The following PCDHA7 variants were observed in gnomAD, a reference collection of about 807,000 sequenced individuals.
PCDHA7 encodes protocadherin alpha 7.
PCDHA7 carries 37 observed loss-of-function variants against 57.2 expected under a neutral mutation model. The observed-to-expected ratio is 0.65, with a 90% CI of 0.50 to 0.85. The LOEUF (loss-of-function observed/expected upper bound fraction) is 0.85, where lower values mean the gene tolerates loss of function less well. PCDHA7 is among the 40% of genes least tolerant of loss of function. PCDHA7 has a pLI of 0.00. For synonymous variants in PCDHA7, 553 were observed against 558.8 expected (o/e 0.99, Z 0.15); for missense variants, 1,188 against 1,241.8 (o/e 0.96, Z 0.65).
At chr5:140,838,280 A>ATTTTTTT (rs2150286950) in intron 1 of PCDHA7, among the ~76,000 whole-genome samples, 30 of 139,570 alleles carry the variant, frequency 2.1e-4, no homozygotes, top group African/African-American at 6.5e-4. Context: ...AGCCATGCTA[A>ATTTTTTT]TTTTTTTTTT....
chr5:140,976,990 A>G (rs1162326000), intron 1 of PCDHA7, among the ~76,000 whole-genome samples: 1 of 152,228 alleles, frequency 6.6e-6, no homozygotes. Flanking sequence ...TCTTACTGCC[A>G]TAAGAAATCT....
At position 140,836,615 on chromosome 5, in the gene PCDHA7, G is replaced by A. The variant is rs2150265724; in HGVS notation, c.2232G>A (p.Ala744=). The change falls in exon 1 of 4, where the codon GCG becomes GCA. Residue 744 remains alanine (A), a synonymous_variant. Coordinates refer to ENST00000525929, the MANE Select transcript of PCDHA7 (RefSeq NM_018910.3). ...LVKPTLVCSS[A]VGSWSFSQQR... is the part of the protein sequence containing the mutation. Reference sequence around the variant, plus strand: ...AGCCCACTCTGGTGTGCTCCAGCGCGGTGGGGAGCTGGTCATTCTCCCAGC... The same window carrying A: ...AGCCCACTCTGGTGTGCTCCAGCGCAGTGGGGAGCTGGTCATTCTCCCAGC... 925 of 1,613,634 alleles carry A rather than the reference G, an allele frequency of 5.7e-4. 10 individuals carry two copies. The African/African-American group carries it at 0.011, about 19-fold the overall frequency.
chr5:140,976,927 G>A (rs1322531610), intron 1 of PCDHA7, among the ~76,000 whole-genome samples: 2 of 152,184 alleles, frequency 1.3e-5, no homozygotes, highest in Admixed American at 1.3e-4. Context: ...CTAGTACTGT[G>A]TAGCTACTTA....
chr5:140,929,166 C>T (rs782695019), intron 1 of PCDHA7: 1 of 1,614,146 alleles, frequency 6.2e-7, no homozygotes, highest in Non-Finnish European at 8.5e-7. Context: ...TCTATCGGGC[C>T]TCTCTGGGAC....
At chr5:140,856,822 A>G (rs1554149161) in intron 1 of PCDHA7, 4 of 1,593,030 alleles carry the variant, frequency 2.5e-6, no homozygotes, top group Non-Finnish European at 1.7e-6. Flanking sequence ...TGAACCAAAC[A>G]TTAGTAATAC....
intron 3 of PCDHA7, among the ~76,000 whole-genome samples, chr5:140,993,203 A>AT (rs200893072): frequency 0.015 from 2,264 of 152,198 alleles, 62 homozygotes; most frequent in African/African-American, 0.051. Flanking sequence ...ACTAAAGCTA[A>AT]TTTTTTTAGC....
chr5:140,941,438 C>T (rs1408570275), intron 1 of PCDHA7, among the ~76,000 whole-genome samples: 4 of 150,764 alleles, frequency 2.7e-5, no homozygotes, highest in African/African-American at 7.3e-5. Context: ...GCCTCAGCCT[C>T]GGGAGTAGCT....
intron 3 of PCDHA7, 51 bp downstream of exon 3, chr5:140,982,614 G>T (rs1283279622): frequency 6.3e-7 from 1 of 1,596,658 alleles, no homozygotes; most frequent in Non-Finnish European, 8.5e-7. Flanking sequence ...AAAGTGATCA[G>T]ATGACCTACT....
chr5:140,883,951 C>T (rs782324778), intron 1 of PCDHA7: 7 of 1,613,222 alleles, frequency 4.3e-6, no homozygotes, highest in African/African-American at 2.7e-5. Flanking sequence ...AGAACGACAA[C>T]GCTCCGGCGC....
chr5:141,010,377 G>A lies in PCDHA7; in HGVS notation c.*440G>A. 1 of 1,444,554 alleles carries A rather than the reference G, an allele frequency of 6.9e-7. No individual in the cohort carries two copies. The highest frequency in any genetic ancestry group is 1.4e-5 in the South Asian group (1 of 71,996). The allele number at this position is 1,444,554 out of a possible 1,614,324, so 89.5% of individuals were successfully genotyped here. ...GGCTACCGCGGGTATGCGAGTGCCA[G>A]ATATTGGCTGAGACGAGCCAGCTTA... On this transcript the variant is annotated 3_prime_UTR_variant, in exon 4 of 4. Transcript: ENST00000525929.
intron 1 of PCDHA7, among the ~76,000 whole-genome samples, chr5:140,917,324 C>CGGGGGGCG (rs1299895515): frequency 1.3e-5 from 1 of 76,124 alleles, no homozygotes; most frequent in Non-Finnish European, 2.9e-5. Context: ...GTTCATGTGG[C>CGGGGGGCG]GGGGGAGGGG....
chr5:140,869,089 C>T (rs141432478), intron 1 of PCDHA7: 5 of 1,588,880 alleles, frequency 3.1e-6, no homozygotes, highest in Non-Finnish European at 4.3e-6. Flanking sequence ...ATTTTGGAAG[C>T]CAATTTCGTA....
intron 1 of PCDHA7, chr5:140,883,019 G>A (rs1554176509): frequency 1.2e-6 from 2 of 1,613,986 alleles, no homozygotes; most frequent in South Asian, 1.1e-5. Flanking sequence ...TAAAGTGACG[G>A]TGTTAGAGAA....
chr5:140,868,940 A>C, intron 1 of PCDHA7: 1 of 1,249,404 alleles, frequency 8.0e-7, no homozygotes, highest in South Asian at 1.6e-5. Context: ...GGTTGGTCTG[A>C]ACAGTGAGGC....
chr5:140,840,858 A>G (rs1200683649), intron 1 of PCDHA7, among the ~76,000 whole-genome samples: 2 of 152,006 alleles, frequency 1.3e-5, no homozygotes, highest in Non-Finnish European at 2.9e-5. Context: ...TCCACACGAA[A>G]CTATGGAGGA....
chr5:140,876,964 C>G, intron 1 of PCDHA7: 2 of 1,613,060 alleles, frequency 1.2e-6, no homozygotes, highest in Non-Finnish European at 1.7e-6. Context: ...GGTGGAGCGG[C>G]GGGTGGGCGA....
chr5:140,878,556 A>C (rs959852623), intron 1 of PCDHA7, among the ~76,000 whole-genome samples: 1 of 152,156 alleles, frequency 6.6e-6, no homozygotes. Context: ...GATGATCCCA[A>C]ACTTATCATA....
intron 1 of PCDHA7, among the ~76,000 whole-genome samples, chr5:140,952,745 A>G (rs1554220592): frequency 6.6e-6 from 1 of 152,220 alleles, no homozygotes; most frequent in African/African-American, 2.4e-5. Context: ...TCACACTGCT[A>G]TAAAAACACC....
At chr5:140,875,958 C>A in intron 1 of PCDHA7, 1 of 1,614,080 alleles carries the variant, frequency 6.2e-7, no homozygotes, top group Middle Eastern at 1.6e-4. Context: ...ATGCGGATAT[C>A]GGCGTAAACT....
Sources: allele counts gnomAD v4.1 joint callset (sites outside exome capture counted in the v4.1 genomes callset), GRCh38; gene constraint gnomAD v4.1.1; transcripts MANE v1.5; gene names NCBI Gene and HGNC (gene_info 2026-07-23, HGNC 2026-07-21).